CEP70: variants seen among roughly 807,000 people sequenced by gnomAD.
CEP70 encodes centrosomal protein of 70 kDa.
CEP70 carries 70 observed loss-of-function variants against 90.9 expected under a neutral mutation model. That is an observed-to-expected ratio of 0.77 (90% CI 0.64 to 0.94). CEP70 has a LOEUF of 0.94. Ranked by LOEUF, CEP70 falls within the 40% of genes least tolerant of loss-of-function variation. CEP70 has a pLI of 0.00. For synonymous variants in CEP70, 220 were observed against 228.3 expected (o/e 0.96, Z 0.33); for missense variants, 648 against 669.0 (o/e 0.97, Z 0.35).
chr3:138,544,081 G>A (rs1254351923), intron 6 of CEP70, among the ~76,000 whole-genome samples: 1 of 152,136 alleles, frequency 6.6e-6, no homozygotes, highest in Non-Finnish European at 1.5e-5. Flanking sequence ...TTGAGGCCAG[G>A]AGTTCAAGAC....
intron 6 of CEP70, among the ~76,000 whole-genome samples, chr3:138,568,285 T>G (rs2040923715): frequency 2.0e-5 from 3 of 152,244 alleles, no homozygotes; most frequent in Admixed American, 2.0e-4. Flanking sequence ...TGGCATTACA[T>G]TCAAGTCACC....
intron 12 of CEP70, among the ~76,000 whole-genome samples, chr3:138,507,506 A>C (rs2035094295): frequency 6.6e-6 from 1 of 152,240 alleles, no homozygotes; most frequent in Non-Finnish European, 1.5e-5. Context: ...AAGGCTATTA[A>C]AACTTTTAAC....
chr3:138,533,174 G>A (rs1560351457), intron 7 of CEP70, among the ~76,000 whole-genome samples: 2 of 151,988 alleles, frequency 1.3e-5, no homozygotes, highest in East Asian at 1.9e-4. Flanking sequence ...CCAGCTACTC[G>A]GGAGGCTGAG....
chr3:138,516,494 T>G (rs1369785236), intron 11 of CEP70, among the ~76,000 whole-genome samples: 1 of 152,088 alleles, frequency 6.6e-6, no homozygotes, highest in African/African-American at 2.4e-5. Context: ...CAAGCAATCT[T>G]CCCACCTCAG....
intron 11 of CEP70, among the ~76,000 whole-genome samples, chr3:138,514,185 C>T (rs897471149): frequency 2.6e-5 from 4 of 152,164 alleles, no homozygotes; most frequent in African/African-American, 9.7e-5. Flanking sequence ...ATGTGAACAT[C>T]TCGGAAGATG....
rs184110677 is a variant in CEP70 at position 138,576,199 on chromosome 3, G to A, written c.-5-3267C>T. ...AAGACCCATCAGTGTGCTGTATTCA[G>A]GAGACCCATCTCATGTGCAGAGACA... On this transcript the variant is annotated intron_variant, in intron 2 of 17. Transcript: ENST00000264982. 5.0e-3 allele frequency among the ~76,000 whole-genome samples: 761 copies of A among 152,260 alleles called. 2 individuals carry two copies. The highest frequency in any genetic ancestry group is 0.012 in the Admixed American group (180 of 15,294).
intron 6 of CEP70, among the ~76,000 whole-genome samples, chr3:138,569,225 T>G (rs1407913795): frequency 6.6e-6 from 1 of 152,140 alleles, no homozygotes. Context: ...GAATTTATAC[T>G]AACTCATCTG....
intron 6 of CEP70, among the ~76,000 whole-genome samples, chr3:138,552,524 C>T (rs982063688): frequency 3.3e-5 from 5 of 152,088 alleles, no homozygotes; most frequent in Admixed American, 2.0e-4. Context: ...CAAAAGGTAC[C>T]TTCAAAGCCA....
At chr3:138,577,525 G>C (rs965344093) in intron 2 of CEP70, among the ~76,000 whole-genome samples, 29 of 152,086 alleles carry the variant, frequency 1.9e-4, no homozygotes, top group African/African-American at 5.6e-4. Context: ...GCTCATGCCT[G>C]TAATCCCAGC....
chr3:138,558,344 G>GTCT (rs2040172772), intron 6 of CEP70, among the ~76,000 whole-genome samples: 1 of 152,144 alleles, frequency 6.6e-6, no homozygotes, highest in African/African-American at 2.4e-5. Flanking sequence ...CAGGCTGAGA[G>GTCT]ACAGAGCAAG....
intron 6 of CEP70, among the ~76,000 whole-genome samples, chr3:138,561,004 C>T (rs1383563576): frequency 3.9e-5 from 6 of 152,158 alleles, no homozygotes; most frequent in East Asian, 1.9e-4. Context: ...TCTCCTAGCA[C>T]GTTCGAGCAG....
At chr3:138,500,605 T>C in intron 14 of CEP70, 38 bp from the exon 15 acceptor site, 1 of 1,547,802 alleles carries the variant, frequency 6.5e-7, no homozygotes, top group Non-Finnish European at 8.7e-7. Context: ...GAGTTCATTA[T>C]CTTAAAATAA....
chr3:138,559,162 A>C (rs1385445780), intron 6 of CEP70, among the ~76,000 whole-genome samples: 3 of 152,198 alleles, frequency 2.0e-5, no homozygotes, highest in Non-Finnish European at 4.4e-5. Context: ...CAATAACCGA[A>C]AGAAAATATC....
chr3:138,508,331 T>C, intron 12 of CEP70, 108 bp downstream of exon 12: 1 of 735,068 alleles, frequency 1.4e-6, no homozygotes, highest in Non-Finnish European at 2.5e-6. Context: ...TACACATAAA[T>C]ATGAGGTGCA....
At chr3:138,579,054 G>C (rs2041706726) in intron 2 of CEP70, among the ~76,000 whole-genome samples, 1 of 152,122 alleles carries the variant, frequency 6.6e-6, no homozygotes, top group African/African-American at 2.4e-5. Flanking sequence ...GTGGCGCAGA[G>C]AGAGAATCTG....
intron 6 of CEP70, among the ~76,000 whole-genome samples, chr3:138,537,687 C>A (rs2038403858): frequency 6.6e-6 from 1 of 151,988 alleles, no homozygotes; most frequent in Admixed American, 6.6e-5. Context: ...AGGAAAGAAT[C>A]AATATTAATT....
intron 11 of CEP70, among the ~76,000 whole-genome samples, chr3:138,509,693 T>A (rs2035338634): frequency 6.6e-6 from 1 of 152,158 alleles, no homozygotes; most frequent in Non-Finnish European, 1.5e-5. Flanking sequence ...TTTTTTATTT[T>A]ATTTTTTTTT....
At chr3:138,583,899 C>T (rs2041982223) in intron 2 of CEP70, among the ~76,000 whole-genome samples, 1 of 151,868 alleles carries the variant, frequency 6.6e-6, no homozygotes, top group Non-Finnish European at 1.5e-5. Flanking sequence ...AAAAGCAGAG[C>T]AAACCAAACT....
At chr3:138,531,969 T>C (rs1044311064) in intron 8 of CEP70, among the ~76,000 whole-genome samples, 10 of 152,218 alleles carry the variant, frequency 6.6e-5, no homozygotes, top group Non-Finnish European at 8.8e-5. Context: ...AGCTACTGTT[T>C]TAGTGACCTT....
Sources: allele counts gnomAD v4.1 joint callset (sites outside exome capture counted in the v4.1 genomes callset), GRCh38; gene constraint gnomAD v4.1.1; transcripts MANE v1.5; gene names NCBI Gene and HGNC (gene_info 2026-07-23, HGNC 2026-07-21).